Variants in GALNT13 observed in about 807,000 individuals in gnomAD.
GALNT13 encodes the protein UDP-GalNAc:polypeptide N-acetylgalactosaminyltransferase 13.
A neutral mutation model predicts 64.2 loss-of-function variants in GALNT13; 28 were observed. The ratio of observed to expected loss-of-function variants is 0.44; its 90% confidence interval spans 0.32 to 0.60. The LOEUF (loss-of-function observed/expected upper bound fraction) is 0.60. GALNT13 is among the 20% of genes least tolerant of loss of function. GALNT13 has a pLI of 0.05. For synonymous variants in GALNT13, 214 were observed against 224.6 expected (o/e 0.95, Z 0.42); for missense variants, 577 against 669.8 (o/e 0.86, Z 1.53).
At chr2:153,926,287 G>A (rs1215354227) in intron 2 of GALNT13, 1 of 151,890 alleles carries the variant, frequency 6.6e-6, no homozygotes, top group Non-Finnish European at 1.5e-5. Flanking sequence ...CTTTTCTGAA[G>A]ATTTAATTGG....
intron 3 of GALNT13, among the ~76,000 whole-genome samples, chr2:153,965,598 C>A (rs1374062812): frequency 6.6e-6 from 1 of 151,884 alleles, no homozygotes; most frequent in Non-Finnish European, 1.5e-5. Context: ...TAAATCCTTT[C>A]TTTTCTTCTT....
At chr2:153,215,433 C>G in the GALNT13 span, among the ~76,000 whole-genome samples, 15 of 152,170 alleles carry the variant, frequency 9.9e-5, no homozygotes, top group Non-Finnish European at 1.9e-4. Context: ...AGTTTTATAA[C>G]TTGCTCAACA....
At chr2:153,980,473 GA>G (rs1694388404) in intron 3 of GALNT13, among the ~76,000 whole-genome samples, 1 of 152,074 alleles carries the variant, frequency 6.6e-6, no homozygotes, top group Admixed American at 6.6e-5. Flanking sequence ...ACTGAATCAA[GA>G]AAGAAAGGTT....
chr2:154,448,654 T>C (rs1037202590), intron 12 of GALNT13, among the ~76,000 whole-genome samples: 6 of 152,078 alleles, frequency 3.9e-5, no homozygotes, highest in Non-Finnish European at 7.4e-5. Context: ...ACTAGTGTTT[T>C]TAAAATTATT....
At chr2:153,998,379 T>G (rs1239058291) in intron 3 of GALNT13, among the ~76,000 whole-genome samples, 3 of 152,244 alleles carry the variant, frequency 2.0e-5, no homozygotes, top group Non-Finnish European at 4.4e-5. Context: ...TGATTTGCAT[T>G]TCTCTGATGA....
At chr2:153,211,322 T>C in the GALNT13 span, among the ~76,000 whole-genome samples, 1 of 152,084 alleles carries the variant, frequency 6.6e-6, no homozygotes, top group South Asian at 2.1e-4. Context: ...TTTTGTATTT[T>C]AGTAGAGGTA....
chr2:154,318,905 A>T (rs1559087994), intron 9 of GALNT13, among the ~76,000 whole-genome samples: 1 of 152,062 alleles, frequency 6.6e-6, no homozygotes, highest in Non-Finnish European at 1.5e-5. Context: ...ACACATATAT[A>T]TACAAATATA....
chr2:153,998,090 GT>G lies in GALNT13; in HGVS notation c.142+53452del, dbSNP rs1394988072. On this transcript the variant is annotated intron_variant, in intron 3 of 12. Coordinates refer to ENST00000392825, the MANE Select transcript of GALNT13 (RefSeq NM_052917.4). ...CTAAGTCTTTGCTATTGTGAACAGT[GT>G]CTCAATAAACATATGTGTGCATGTG... is the stretch of plus-strand genomic sequence containing the variant. 2.4e-3 allele frequency among the ~76,000 whole-genome samples: 367 copies of G among 152,182 alleles called. 7 individuals are homozygous for G. In the East Asian group the frequency reaches 0.055, roughly 23 times the overall value.
chr2:154,067,475 G>A (rs1700527242), intron 3 of GALNT13, among the ~76,000 whole-genome samples: 1 of 152,012 alleles, frequency 6.6e-6, no homozygotes, highest in African/African-American at 2.4e-5. Context: ...CTAAAAAAGA[G>A]CAGGAGTAGC....
the GALNT13 span, among the ~76,000 whole-genome samples, chr2:153,780,242 T>TATATGC: frequency 5.5e-4 from 43 of 78,482 alleles, 1 homozygote; most frequent in African/African-American, 2.0e-3. Context: ...TATATATATA[T>TATATGC]ATATATATAT....
the GALNT13 span, among the ~76,000 whole-genome samples, chr2:153,118,873 T>C: frequency 6.6e-6 from 1 of 152,192 alleles, no homozygotes. Flanking sequence ...GGTTTGACTG[T>C]GTCCCCACCC....
At chr2:153,115,780 A>G in the GALNT13 span, among the ~76,000 whole-genome samples, 2 of 152,200 alleles carry the variant, frequency 1.3e-5, no homozygotes, top group Admixed American at 6.5e-5. Flanking sequence ...GCATTTATAA[A>G]GTAGTTGGTA....
the GALNT13 span, among the ~76,000 whole-genome samples, chr2:153,207,257 A>G: frequency 6.6e-6 from 1 of 152,102 alleles, no homozygotes; most frequent in South Asian, 2.1e-4. Flanking sequence ...TTGTCTTTCC[A>G]TGATGCGTTT....
chr2:153,779,872 G>A, the GALNT13 span, among the ~76,000 whole-genome samples: 1 of 152,054 alleles, frequency 6.6e-6, no homozygotes, highest in East Asian at 1.9e-4. Flanking sequence ...ATCAGCCTCT[G>A]AAGTCTCTGA....
the GALNT13 span, among the ~76,000 whole-genome samples, chr2:153,643,136 G>A: frequency 6.6e-6 from 1 of 151,136 alleles, no homozygotes; most frequent in Non-Finnish European, 1.5e-5. Context: ...GCAAAAATGA[G>A]AAGATATGCA....
upstream of GALNT13, among the ~76,000 whole-genome samples, chr2:153,871,233 CCA>C (rs1349867026): frequency 6.6e-6 from 1 of 152,128 alleles, no homozygotes; most frequent in Non-Finnish European, 1.5e-5. Flanking sequence ...ATTCAAAGCC[CCA>C]CTTTTTTCTT....
the GALNT13 span, among the ~76,000 whole-genome samples, chr2:153,378,218 A>G: frequency 1.2e-4 from 19 of 152,110 alleles, no homozygotes; most frequent in East Asian, 3.1e-3. Flanking sequence ...TACAGAGCCA[A>G]TGTTCCCAGA....
At position 154,450,450 on chromosome 2, in the gene GALNT13, G is replaced by A. The variant is rs749050139; in HGVS notation, c.1570G>A (p.Asp524Asn). ...LRHVNSNQCL[D>N]EPSEEDKMVP... ...ACATGTTAACAGTAACCAATGTCTC[G>A]ATGAACCTTCTGAAGAAGACAAAAT... Residue 524 changes from aspartate to asparagine, a missense_variant, in exon 13 of 13, where the codon GAT becomes AAT. Around this residue, in one of 3 missense-constraint regions of GALNT13, gnomAD observed 232 missense variants for 270.6 expected, o/e 0.86. Transcript: ENST00000392825. 9 of 1,612,676 alleles carry A rather than the reference G, an allele frequency of 5.6e-6. No individual in the cohort carries two copies. Among genetic ancestry groups the A allele is most frequent in the East Asian group, 2.2e-5 (1 of 44,838 alleles).
At chr2:153,135,817 A>T in the GALNT13 span, among the ~76,000 whole-genome samples, 72 of 152,192 alleles carry the variant, frequency 4.7e-4, no homozygotes, top group African/African-American at 1.7e-3. Context: ...CTTTAAAAGT[A>T]TGCATAGGTG....
Sources: allele counts gnomAD v4.1 joint callset (sites outside exome capture counted in the v4.1 genomes callset), GRCh38; gene constraint gnomAD v4.1.1; regional missense constraint gnomAD v4.1.1; transcripts MANE v1.5; gene names NCBI Gene and HGNC (gene_info 2026-07-23, HGNC 2026-07-21).